The following ARHGEF33 variants were observed in gnomAD, a reference collection of about 807,000 sequenced individuals.
ARHGEF33 encodes the protein Rho guanine nucleotide exchange factor 33.
In ARHGEF33, 72 loss-of-function variants were observed where a neutral mutation model predicts 101.9. The observed-to-expected ratio is 0.71, with a 90% CI of 0.58 to 0.86. The LOEUF is 0.86. ARHGEF33 is among the 40% of genes least tolerant of loss of function. The pLI is 0.00. For synonymous variants in ARHGEF33, 499 were observed against 442.5 expected (o/e 1.13, Z -1.60); for missense variants, 1,169 against 1,111.3 (o/e 1.05, Z -0.74).
chr2:38,912,445 T>C (rs1425910418), intron 2 of ARHGEF33, among the ~76,000 whole-genome samples: 1 of 152,214 alleles, frequency 6.6e-6, no homozygotes, highest in African/African-American at 2.4e-5. Flanking sequence ...TTCTGTGTAA[T>C]CCTGTTATTA....
At chr2:38,957,643 G>T (rs1284081390) in intron 14 of ARHGEF33, among the ~76,000 whole-genome samples, 2 of 152,162 alleles carry the variant, frequency 1.3e-5, no homozygotes, top group African/African-American at 4.8e-5. Context: ...GCTTCGGAGG[G>T]AACAGAAGCA....
chr2:38,901,621 G>C (rs1666240410), intron 2 of ARHGEF33, among the ~76,000 whole-genome samples: 1 of 152,238 alleles, frequency 6.6e-6, no homozygotes, highest in Admixed American at 6.5e-5. Context: ...TGAGCTTCCA[G>C]CTTTGTACTA....
At chr2:38,936,330 C>G (rs1667128526) in intron 8 of ARHGEF33, among the ~76,000 whole-genome samples, 1 of 152,190 alleles carries the variant, frequency 6.6e-6, no homozygotes, top group Admixed American at 6.5e-5. Context: ...GCTTCCCTCT[C>G]TCCTTCCTTT....
At chr2:38,909,172 G>A (rs1666456767) in intron 2 of ARHGEF33, among the ~76,000 whole-genome samples, 1 of 152,158 alleles carries the variant, frequency 6.6e-6, no homozygotes, top group African/African-American at 2.4e-5. Flanking sequence ...TCAGTGGCAG[G>A]AGCCACCTTG....
intron 2 of ARHGEF33, among the ~76,000 whole-genome samples, chr2:38,918,890 A>C (rs986180947): frequency 3.3e-5 from 5 of 151,682 alleles, no homozygotes; most frequent in Admixed American, 6.6e-5. Flanking sequence ...AAAAAAAAAA[A>C]AAAAACAAAT....
intron 17 of ARHGEF33, among the ~76,000 whole-genome samples, chr2:38,968,289 A>G (rs1436752906): frequency 6.6e-6 from 1 of 152,186 alleles, no homozygotes; most frequent in East Asian, 1.9e-4. Flanking sequence ...ATGCTATGAA[A>G]GTGGTGCCTG....
rs1667873255 is a variant in ARHGEF33, at chr2:38,959,988, C to A, written c.1683C>A (p.Ala561=). 6.4e-7 allele frequency: 1 copy of A among 1,550,710 alleles called. No homozygotes were observed. The highest frequency in any genetic ancestry group is 8.7e-7 in the Non-Finnish European group (1 of 1,146,642). ...SLLAPTQFCA[A]EQDVKALAGP... is the part of the protein sequence containing the mutation. ...TGGCACCGACGCAGTTCTGCGCGGC[C>A]GAGCAGGACGTGAAGGCGCTGGCCG... is the stretch of plus-strand genomic sequence containing the variant. The change falls in exon 16 of 18, where the codon GCC becomes GCA. Residue 561 remains alanine, a synonymous_variant. Transcript: ENST00000409978.
intron 10 of ARHGEF33, among the ~76,000 whole-genome samples, chr2:38,944,876 G>GGTGTGTGT (rs397942466): frequency 0.12 from 16,790 of 145,472 alleles, 1,572 homozygotes; most frequent in African/African-American, 0.26. Context: ...GTAATGCATG[G>GGTGTGTGT]GTGTGTGTGT....
At chr2:38,925,746 C>T (rs905889874) in intron 4 of ARHGEF33, among the ~76,000 whole-genome samples, 1 of 152,164 alleles carries the variant, frequency 6.6e-6, no homozygotes, top group South Asian at 2.1e-4. Context: ...AAACACCTGG[C>T]TTTTGCTTTT....
chr2:38,928,171 A>G (rs1394029653), intron 4 of ARHGEF33, among the ~76,000 whole-genome samples: 1 of 152,218 alleles, frequency 6.6e-6, no homozygotes, highest in Non-Finnish European at 1.5e-5. Context: ...TTAGGGTAGA[A>G]CTAGGATTTG....
intron 1 of ARHGEF33, among the ~76,000 whole-genome samples, chr2:38,891,719 T>A (rs1666009866): frequency 6.6e-6 from 1 of 151,986 alleles, no homozygotes; most frequent in Non-Finnish European, 1.5e-5. Context: ...GTGTGGAAGA[T>A]TCCCCACCCG....
At chr2:38,968,267 C>T (rs1668094720) in intron 17 of ARHGEF33, among the ~76,000 whole-genome samples, 1 of 152,080 alleles carries the variant, frequency 6.6e-6, no homozygotes, top group Non-Finnish European at 1.5e-5. Context: ...CATGGGATGC[C>T]TCTGGTCAGG....
chr2:38,940,335 C>T (rs569260711), intron 9 of ARHGEF33, among the ~76,000 whole-genome samples: 2 of 151,938 alleles, frequency 1.3e-5, no homozygotes, highest in South Asian at 2.1e-4. Context: ...CCCTTTGTTG[C>T]CCAAGCTGGC....
intron 2 of ARHGEF33, among the ~76,000 whole-genome samples, chr2:38,916,587 T>C (rs1666639105): frequency 6.6e-6 from 1 of 152,226 alleles, no homozygotes; most frequent in African/African-American, 2.4e-5. Context: ...CATGCTTACA[T>C]GAAAAATGTG....
chr2:38,927,205 CT>C (rs1328815126), intron 4 of ARHGEF33, among the ~76,000 whole-genome samples: 2 of 152,104 alleles, frequency 1.3e-5, no homozygotes, highest in African/African-American at 2.4e-5. Context: ...CCCAGCAATC[CT>C]TCGTAAAGCA....
At chr2:38,935,479 A>G (rs1054302735) in intron 7 of ARHGEF33, among the ~76,000 whole-genome samples, 3 of 152,178 alleles carry the variant, frequency 2.0e-5, no homozygotes, top group Non-Finnish European at 2.9e-5. Flanking sequence ...TGCCACCACC[A>G]TTATAGTTAA....
At chr2:38,955,173 T>C (rs1276566318) in intron 13 of ARHGEF33, among the ~76,000 whole-genome samples, 1 of 152,224 alleles carries the variant, frequency 6.6e-6, no homozygotes, top group African/African-American at 2.4e-5. Flanking sequence ...CTACTTTCTT[T>C]TGGCATTGGT....
intron 2 of ARHGEF33, among the ~76,000 whole-genome samples, chr2:38,917,632 C>G (rs1216356373): frequency 6.6e-6 from 1 of 151,488 alleles, no homozygotes; most frequent in Non-Finnish European, 1.5e-5. Flanking sequence ...AGTTTGTGAC[C>G]AGCCTCAGTA....
intron 16 of ARHGEF33, among the ~76,000 whole-genome samples, chr2:38,961,373 C>G (rs548075711): frequency 2.0e-5 from 3 of 152,148 alleles, no homozygotes; most frequent in African/African-American, 7.2e-5. Context: ...GTCTGCAGGT[C>G]TACAGGTGTT....
Sources: allele counts gnomAD v4.1 joint callset (sites outside exome capture counted in the v4.1 genomes callset), GRCh38; gene constraint gnomAD v4.1.1; transcripts MANE v1.5; gene names NCBI Gene and HGNC (gene_info 2026-07-23, HGNC 2026-07-21).